Variants in NPAS3 observed in about 807,000 individuals in gnomAD.
NPAS3 encodes the protein neuronal PAS domain protein 3.
NPAS3 carries 14 observed loss-of-function variants against 73.1 expected under a neutral mutation model. The observed-to-expected ratio is 0.19, with a 90% CI of 0.13 to 0.30. NPAS3 has a LOEUF of 0.30. NPAS3 is among the 10% of genes least tolerant of loss of function. The probability of loss-of-function intolerance (pLI) is 1.00; values close to 1 mark genes in which losing one functional copy is unlikely to be tolerated. For synonymous variants in NPAS3, 620 were observed against 541.5 expected (o/e 1.14, Z -2.01); for missense variants, 1,096 against 1,250.0 (o/e 0.88, Z 1.86).
chr14:33,298,270 G>C (rs539613268), intron 3 of NPAS3, among the ~76,000 whole-genome samples: 1 of 152,294 alleles, frequency 6.6e-6, no homozygotes, highest in Admixed American at 6.5e-5. Flanking sequence ...ATGACAGAGG[G>C]AGCCTCCATC....
At chr14:33,462,984 C>G (rs1303973766) in intron 4 of NPAS3, among the ~76,000 whole-genome samples, 1 of 152,146 alleles carries the variant, frequency 6.6e-6, no homozygotes, top group Non-Finnish European at 1.5e-5. Flanking sequence ...TCTTGTTTTT[C>G]TGGTTTTAAC....
chr14:33,555,659 C>G (rs1163032102), intron 4 of NPAS3, among the ~76,000 whole-genome samples: 1 of 152,146 alleles, frequency 6.6e-6, no homozygotes, highest in East Asian at 1.9e-4. Context: ...TCAAACTTTT[C>G]TAAGTGGCAA....
intron 2 of NPAS3, among the ~76,000 whole-genome samples, chr14:33,123,999 T>C (rs1178207095): frequency 1.3e-5 from 2 of 151,726 alleles, no homozygotes; most frequent in African/African-American, 4.8e-5. Context: ...TAGCTGGGCC[T>C]ATAGGTGCTT....
At chr14:33,078,282 A>C (rs558526242) in intron 2 of NPAS3, among the ~76,000 whole-genome samples, 1 of 152,376 alleles carries the variant, frequency 6.6e-6, no homozygotes, top group East Asian at 1.9e-4. Flanking sequence ...GATAGAGTTA[A>C]TTGAACACAT....
chr14:32,963,230 T>C (rs1245950011), intron 1 of NPAS3, among the ~76,000 whole-genome samples: 3 of 152,212 alleles, frequency 2.0e-5, no homozygotes, highest in African/African-American at 7.2e-5. Flanking sequence ...TTTTCTGTGT[T>C]TGCTGTAATA....
At chr14:33,167,724 C>T (rs1015030873) in intron 2 of NPAS3, among the ~76,000 whole-genome samples, 5 of 152,168 alleles carry the variant, frequency 3.3e-5, no homozygotes, top group South Asian at 2.1e-4. Context: ...AACACAATTC[C>T]TTCACCATGC....
chr14:32,996,275 A>T (rs1372920962), intron 1 of NPAS3, among the ~76,000 whole-genome samples: 3 of 152,226 alleles, frequency 2.0e-5, no homozygotes, highest in Non-Finnish European at 2.9e-5. Flanking sequence ...ATTCAGTTTT[A>T]TAAGGAAAAA....
intron 5 of NPAS3, among the ~76,000 whole-genome samples, chr14:33,605,008 G>A (rs114584664): frequency 0.018 from 2,777 of 152,002 alleles, 92 homozygotes; most frequent in African/African-American, 0.064. Context: ...TAAGAAATTA[G>A]CATCTAAAGA....
At chr14:32,945,876 G>A (rs550287723) in intron 1 of NPAS3, among the ~76,000 whole-genome samples, 3 of 152,218 alleles carry the variant, frequency 2.0e-5, no homozygotes, top group Non-Finnish European at 4.4e-5. Context: ...TTGTAGCTGA[G>A]TGGTGCCAGA....
intron 9 of NPAS3, among the ~76,000 whole-genome samples, chr14:33,785,095 A>G (rs2063128311): frequency 6.6e-6 from 1 of 151,838 alleles, no homozygotes; most frequent in Non-Finnish European, 1.5e-5. Context: ...ATTCAACAAA[A>G]AATAACCCAT....
intron 3 of NPAS3, among the ~76,000 whole-genome samples, chr14:33,258,598 A>G (rs2048859578): frequency 6.6e-6 from 1 of 152,226 alleles, no homozygotes; most frequent in Non-Finnish European, 1.5e-5. Flanking sequence ...TTGTCCATAC[A>G]TTGATGTGAA....
intron 4 of NPAS3, among the ~76,000 whole-genome samples, chr14:33,443,474 C>A (rs969974520): frequency 2.0e-5 from 3 of 152,102 alleles, no homozygotes; most frequent in Non-Finnish European, 4.4e-5. Flanking sequence ...GAGGCTCAAA[C>A]AAAAGAGCAC....
rs1430562607 is a variant in NPAS3 at position 33,137,716 on chromosome 14, AT to A, written c.141-77463del. Among the ~76,000 whole-genome samples the A allele has an allele frequency of 2.6e-5, 4 of 152,208 alleles. 1 individual carries two copies. Among genetic ancestry groups the A allele is most frequent in the Admixed American group, 6.5e-5 (1 of 15,278 alleles). On this transcript the variant is annotated intron_variant, in intron 2 of 11. Coordinates refer to ENST00000356141, the Ensembl canonical transcript of NPAS3. ...ATACTGTCAGTAATTTCTGGAGTTAATTTAAATTTAACATCTCAAGAATGGC... is the reference window on the plus strand; with the variant it reads ...ATACTGTCAGTAATTTCTGGAGTTAATTAAATTTAACATCTCAAGAATGGC...
chr14:33,625,984 G>A (rs1285991139), intron 5 of NPAS3, among the ~76,000 whole-genome samples: 1 of 152,122 alleles, frequency 6.6e-6, no homozygotes, highest in Non-Finnish European at 1.5e-5. Flanking sequence ...GTTAACCAAT[G>A]ATAAAATAGA....
At chr14:33,218,179 A>G (rs367593993) in intron 3 of NPAS3, among the ~76,000 whole-genome samples, 98 of 152,266 alleles carry the variant, frequency 6.4e-4, no homozygotes, top group African/African-American at 2.3e-3. Context: ...GAGATAACAG[A>G]CTTTATTATA....
At chr14:32,989,799 G>C (rs2038255559) in intron 1 of NPAS3, among the ~76,000 whole-genome samples, 1 of 152,236 alleles carries the variant, frequency 6.6e-6, no homozygotes, top group African/African-American at 2.4e-5. Flanking sequence ...GAGTGAGCTA[G>C]TTAGATTTGA....
At chr14:33,124,172 G>A (rs752903820) in intron 2 of NPAS3, among the ~76,000 whole-genome samples, 16 of 151,974 alleles carry the variant, frequency 1.1e-4, no homozygotes, top group Non-Finnish European at 2.1e-4. Flanking sequence ...GTTTTATAGA[G>A]GAAAGATTGT....
At chr14:33,642,755 T>C (rs537210678) in intron 5 of NPAS3, among the ~76,000 whole-genome samples, 1 of 152,128 alleles carries the variant, frequency 6.6e-6, no homozygotes, top group African/African-American at 2.4e-5. Flanking sequence ...ACAGAGCATA[T>C]TGTTTGTGGT....
intron 4 of NPAS3, among the ~76,000 whole-genome samples, chr14:33,400,637 G>A (rs147489217): frequency 1.3e-4 from 20 of 152,146 alleles, no homozygotes; most frequent in African/African-American, 4.8e-4. Flanking sequence ...ACATAACCAG[G>A]GACATTTAGT....
Sources: allele counts gnomAD v4.1 joint callset (sites outside exome capture counted in the v4.1 genomes callset), GRCh38; gene constraint gnomAD v4.1.1; transcripts MANE v1.5; gene names NCBI Gene and HGNC (gene_info 2026-07-23, HGNC 2026-07-21).